PPP1R12B: variants seen among roughly 807,000 people sequenced by gnomAD.
PPP1R12B encodes myosin phosphatase target subunit 2.
Under a neutral mutation model 126.1 loss-of-function variants are expected in PPP1R12B, and 76 were observed. The observed-to-expected ratio is 0.60, with a 90% CI of 0.50 to 0.73. The LOEUF is 0.73. Among genes scored for constraint, PPP1R12B ranks in the 30% least tolerant of loss-of-function variants. The pLI, the probability that PPP1R12B is intolerant of heterozygous loss-of-function variation, is 0.00. For synonymous variants in PPP1R12B, 356 were observed against 434.7 expected (o/e 0.82, Z 2.25); for missense variants, 1,052 against 1,205.1 (o/e 0.87, Z 1.88).
intron 18 of PPP1R12B, among the ~76,000 whole-genome samples, chr1:202,553,380 A>G (rs1279903437): frequency 6.6e-6 from 1 of 152,158 alleles, no homozygotes; most frequent in African/African-American, 2.4e-5. Context: ...AGTGGCCATC[A>G]TTTGTCTTCA....
rs138842410 is a variant in PPP1R12B at position 202,520,414 on chromosome 1, G to A, written c.2490+23592G>A. On this transcript the variant is annotated intron_variant, in intron 18 of 23. Transcript: ENST00000608999. The stretch of plus-strand genomic sequence containing the variant: ...GGCTGCAGTGGCTCTTTCTGGTGCT[G>A]TGGAAAGTACCCTCTTCTTTGCTCA... Among the ~76,000 whole-genome samples, 498 of 152,292 alleles carry A rather than the reference G, an allele frequency of 3.3e-3. 1 individual carries two copies. Among genetic ancestry groups the A allele is most frequent in the Non-Finnish European group, 5.5e-3 (376 of 68,018 alleles).
intron 23 of PPP1R12B, chr1:202,576,653 C>T (rs1186491322): frequency 1.3e-5 from 2 of 152,080 alleles, no homozygotes; most frequent in Non-Finnish European, 2.9e-5. Context: ...CAAAAGGTGT[C>T]CCAGTTATTT....
chr1:202,436,451 A>G (rs971680899), intron 9 of PPP1R12B, among the ~76,000 whole-genome samples: 2 of 152,062 alleles, frequency 1.3e-5, no homozygotes, highest in African/African-American at 2.4e-5. Flanking sequence ...GAGAAAATCT[A>G]TATGTGAGTT....
At chr1:202,379,343 C>G (rs1455495895) in intron 1 of PPP1R12B, among the ~76,000 whole-genome samples, 1 of 152,218 alleles carries the variant, frequency 6.6e-6, no homozygotes, top group East Asian at 1.9e-4. Flanking sequence ...GGCTGCTGAA[C>G]TGTATCCTCC....
intron 15 of PPP1R12B, among the ~76,000 whole-genome samples, chr1:202,493,872 T>A (rs571901824): frequency 6.6e-6 from 1 of 152,240 alleles, no homozygotes; most frequent in Non-Finnish European, 1.5e-5. Context: ...TTTTTCAAAC[T>A]CTTATAAACC....
chr1:202,476,639 C>T (rs1171662839), intron 13 of PPP1R12B, among the ~76,000 whole-genome samples: 3 of 150,538 alleles, frequency 2.0e-5, no homozygotes, highest in South Asian at 2.1e-4. Flanking sequence ...GCCGAGATCA[C>T]GCCACTGCAC....
intron 13 of PPP1R12B, among the ~76,000 whole-genome samples, chr1:202,452,335 G>A (rs1673095380): frequency 6.6e-6 from 1 of 152,216 alleles, no homozygotes; most frequent in African/African-American, 2.4e-5. Context: ...ATCACTCGCG[G>A]TTAGGAGCTG....
At chr1:202,379,065 T>A (rs1198207785) in intron 1 of PPP1R12B, among the ~76,000 whole-genome samples, 3 of 152,206 alleles carry the variant, frequency 2.0e-5, no homozygotes, top group East Asian at 3.9e-4. Flanking sequence ...GAGATCTGTC[T>A]GACCCTGACC....
chr1:202,453,075 C>G (rs892253752), intron 13 of PPP1R12B, among the ~76,000 whole-genome samples: 15 of 152,110 alleles, frequency 9.9e-5, no homozygotes, highest in Admixed American at 9.2e-4. Context: ...AGAGGAAAGG[C>G]TTTCAGTTTT....
intron 13 of PPP1R12B, among the ~76,000 whole-genome samples, chr1:202,471,170 CAT>C (rs751174907): frequency 1.6e-4 from 25 of 152,240 alleles, no homozygotes; most frequent in Admixed American, 3.3e-4. Context: ...AATTCTTTCA[CAT>C]GTTTTAATAC....
intron 13 of PPP1R12B, among the ~76,000 whole-genome samples, chr1:202,460,509 G>A (rs12096389): frequency 0.041 from 6,244 of 152,112 alleles, 352 homozygotes; most frequent in African/African-American, 0.13. Flanking sequence ...CCAAGCTAAA[G>A]ACTGGCAGTT....
chr1:202,515,248 T>A (rs1681991399), intron 18 of PPP1R12B, among the ~76,000 whole-genome samples: 1 of 152,132 alleles, frequency 6.6e-6, no homozygotes, highest in Non-Finnish European at 1.5e-5. Flanking sequence ...TGACACAAGT[T>A]TACCTATGTA....
intron 18 of PPP1R12B, among the ~76,000 whole-genome samples, chr1:202,500,585 A>G (rs969918454): frequency 6.6e-6 from 1 of 152,180 alleles, no homozygotes; most frequent in African/African-American, 2.4e-5. Context: ...TGGAGTCTGG[A>G]AAAGGGAGAT....
chr1:202,434,627 C>T, intron 8 of PPP1R12B, 29 bp from the exon 9 acceptor site: 1 of 1,594,094 alleles, frequency 6.3e-7, no homozygotes, highest in East Asian at 2.2e-5. Flanking sequence ...TATACTAGTA[C>T]TTGTTAATTC....
In PPP1R12B at chr1:202,455,799, A is replaced by G. The variant is rs553417477; in HGVS notation, c.1850+6628A>G. 1.0e-3 allele frequency among the ~76,000 whole-genome samples: 152 copies of G among 152,300 alleles called. 2 individuals carry two copies. Among genetic ancestry groups the G allele is most frequent in the African/African-American group, 3.6e-3 (148 of 41,564 alleles). ...AGCAAAAAGTACCATGACGTGACCT[A>G]TAGTTTTTAAAGTTCTGACTTTTAA... On this transcript the variant is annotated intron_variant, in intron 13 of 23. Coordinates refer to ENST00000608999, the MANE Select transcript of PPP1R12B (RefSeq NM_002481.4).
chr1:202,421,214 C>A (rs975034863), intron 2 of PPP1R12B, among the ~76,000 whole-genome samples: 1 of 151,946 alleles, frequency 6.6e-6, no homozygotes, highest in Non-Finnish European at 1.5e-5. Flanking sequence ...CTCAGCCTCC[C>A]AAAGGATTAT....
At chr1:202,569,505 G>T (rs958128094) in intron 23 of PPP1R12B, among the ~76,000 whole-genome samples, 2 of 152,088 alleles carry the variant, frequency 1.3e-5, no homozygotes, top group African/African-American at 4.8e-5. Context: ...CAGTATCTTT[G>T]CCCTCTAGAG....
chr1:202,480,320 T>C (rs926539847), intron 13 of PPP1R12B, among the ~76,000 whole-genome samples: 1 of 152,096 alleles, frequency 6.6e-6, no homozygotes, highest in Non-Finnish European at 1.5e-5. Flanking sequence ...ATATCCAGAA[T>C]GAAGCACAGA....
intron 1 of PPP1R12B, among the ~76,000 whole-genome samples, chr1:202,399,496 C>T (rs369100955): frequency 9.9e-5 from 15 of 150,912 alleles, no homozygotes; most frequent in East Asian, 9.7e-4. Context: ...TGTGAGCCAC[C>T]GCACCTTTTT....
Sources: allele counts gnomAD v4.1 joint callset (sites outside exome capture counted in the v4.1 genomes callset), GRCh38; gene constraint gnomAD v4.1.1; transcripts MANE v1.5; gene names NCBI Gene and HGNC (gene_info 2026-07-23, HGNC 2026-07-21).